Variants in ZNF517 observed in about 807,000 individuals in gnomAD.
ZNF517 encodes zinc finger protein 517.
ZNF517 carries 12 observed loss-of-function variants against 12.1 expected under a neutral mutation model. The ratio of observed to expected loss-of-function variants is 0.99; its 90% CI spans 0.63 to 1.61. The LOEUF is 1.61. ZNF517 is among the 40% of genes most tolerant of loss of function. The pLI is 0.00. For missense variants in ZNF517, 781 were observed against 693.2 expected, an observed-to-expected ratio of 1.13 and a Z score of -1.42; for synonymous variants, 388 against 310.2, an observed-to-expected ratio of 1.25 and a Z score of -2.63.
At chr8:144,805,001 C>T (rs945694844) in intron 4 of ZNF517, among the ~76,000 whole-genome samples, 2 of 152,320 alleles carry the variant, frequency 1.3e-5, no homozygotes, top group Admixed American at 6.5e-5. Context: ...TGGCTGTGGG[C>T]GAGTTTGACT....
In ZNF517 at chr8:144,809,288, T is replaced by TC. The variant is rs1293206541; in HGVS notation, c.*894dup. On this transcript the variant is annotated 3_prime_UTR_variant, in exon 5 of 5. Transcript: ENST00000359971. ...TTACTGCAGCCTCCAGCTCCCAGGC[T>TC]CAAGCGTTTCTCCCACCTTAGCCTC... The TC allele has an allele frequency of 6.6e-6, 1 of 152,122 alleles. No homozygotes were observed. Among genetic ancestry groups the TC allele is most frequent in the African/African-American group, 2.4e-5 (1 of 41,400 alleles). The allele number at this position is 152,122 out of a possible 1,614,324, so 9.4% of individuals were successfully genotyped here.
intron 4 of ZNF517, among the ~76,000 whole-genome samples, chr8:144,804,668 C>T (rs1827134655): frequency 6.6e-6 from 1 of 152,034 alleles, no homozygotes; most frequent in Non-Finnish European, 1.5e-5. Context: ...TCCTGAATGC[C>T]TGGCTGCGCT....
At chr8:144,811,795 C>T (rs1269551119), downstream of ZNF517, among the ~76,000 whole-genome samples, 1 of 126,332 alleles carries the variant, frequency 7.9e-6, no homozygotes, top group African/African-American at 3.3e-5. Flanking sequence ...AAGGCTGAGA[C>T]AGGGTGGGAG....
intron 1 of ZNF517, among the ~76,000 whole-genome samples, chr8:144,800,261 A>G (rs913117550): frequency 6.6e-6 from 1 of 152,152 alleles, no homozygotes; most frequent in African/African-American, 2.4e-5. Context: ...ATCTGTTGTC[A>G]TCATATCACT....
chr8:144,807,293 A>C lies in ZNF517; in HGVS notation c.377A>C (p.His126Pro). The change falls in exon 5 of 5, where the codon CAC (histidine) becomes CCC (proline). Residue 126 changes from histidine to proline, a missense_variant. Coordinates refer to ENST00000359971, the MANE Select transcript of ZNF517 (RefSeq NM_213605.3). ...GTGTGGGGGTGCCTCCCCTGGGGGC[A>C]CCCTGTGGGGGGGCACCCTGCACCA... ...GTVWGCLPWG[H>P]PVGGHPAPPH... 2 of 1,551,354 alleles carry C rather than the reference A, an allele frequency of 1.3e-6. No homozygotes were observed. Among genetic ancestry groups the C allele is most frequent in the Non-Finnish European group, 1.7e-6 (2 of 1,149,492 alleles).
At chr8:144,799,697 T>C (rs1826851454) in intron 1 of ZNF517, among the ~76,000 whole-genome samples, 1 of 152,096 alleles carries the variant, frequency 6.6e-6, no homozygotes, top group African/African-American at 2.4e-5. Context: ...TCCCAGCACT[T>C]TGGGAGGCCG....
At chr8:144,810,452 T>C, downstream of ZNF517, 1 of 419,698 alleles carries the variant, frequency 2.4e-6, no homozygotes. Flanking sequence ...TGGGGAGGGC[T>C]GGATCCACCC....
chr8:144,808,415 A>G lies in ZNF517; in HGVS notation c.*20A>G. 1 of 1,448,430 alleles carries G rather than the reference A, an allele frequency of 6.9e-7. No homozygotes were observed. Among genetic ancestry groups the G allele is most frequent in the Non-Finnish European group, 9.1e-7 (1 of 1,101,326 alleles). 89.7% of individuals were successfully genotyped at this position (1,448,430 alleles called of 1,614,324 possible). A position where few individuals can be genotyped will look rare whatever the true frequency, so the allele number is the denominator to read the frequency against. ...TCCTGATGACGGGGACGACAGGCCG[A>G]GGATTCACGCTGGAAGCCCACCCAA... On this transcript the variant is annotated 3_prime_UTR_variant, in exon 5 of 5. Coordinates refer to ENST00000359971, the MANE Select transcript of ZNF517 (RefSeq NM_213605.3).
In ZNF517 at chr8:144,807,446, G is replaced by C. The variant is rs767292151; in HGVS notation, c.530G>C (p.Arg177Pro). Reference protein sequence around the residue: ...LGRPVGSSAPRYRCVCGKAFR... With the variant: ...LGRPVGSSAPPYRCVCGKAFR... ...CGGCCTGTGGGGAGCTCAGCCCCCC[G>C]CTACAGGTGCGTGTGCGGCAAGGCG... Residue 177 changes from arginine to proline, a missense_variant, in exon 5 of 5, where the codon CGC (arginine) becomes CCC (proline). Arg to Pro is a moderately radical substitution (Grantham distance 103). Coordinates refer to ENST00000359971, the MANE Select transcript of ZNF517 (RefSeq NM_213605.3). 4.4e-5 allele frequency: 69 copies of C among 1,574,522 alleles called. No individual in the cohort carries two copies. The highest frequency in any genetic ancestry group is 5.3e-5 in the Non-Finnish European group (61 of 1,160,792).
chr8:144,803,531 A>T, intron 2 of ZNF517, 110 bp from the exon 3 acceptor site: 1 of 1,446,118 alleles, frequency 6.9e-7, no homozygotes, highest in Non-Finnish European at 9.5e-7. Flanking sequence ...CTGTGGATGC[A>T]GCAGTGGGCA....
At chr8:144,803,533 C>T (rs1827070810) in intron 2 of ZNF517, 108 bp from the exon 3 acceptor site, 5 of 1,457,468 alleles carry the variant, frequency 3.4e-6, no homozygotes, top group Non-Finnish European at 4.7e-6. Context: ...GTGGATGCAG[C>T]AGTGGGCAGC....
chr8:144,802,357 CAG>C, intron 1 of ZNF517, among the ~76,000 whole-genome samples: 1 of 152,334 alleles, frequency 6.6e-6, no homozygotes, highest in East Asian at 1.9e-4. Context: ...GCCTGGGCGA[CAG>C]AGCGAAACCC....
At chr8:144,800,525 TTCTGGCAGCCTCA>T (rs1251552707) in intron 1 of ZNF517, 6 of 985,352 alleles carry the variant, frequency 6.1e-6, no homozygotes, top group Non-Finnish European at 7.2e-6. Context: ...GGATCAAGTC[TTCTGGCAGCCTCA>T]TACCCTGAGA....
At chr8:144,812,038 C>T (rs1827572883), downstream of ZNF517, among the ~76,000 whole-genome samples, 2 of 138,194 alleles carry the variant, frequency 1.4e-5, no homozygotes, top group African/African-American at 5.8e-5. Context: ...TAAAGCTCAG[C>T]CAGGTGCAGA....
At chr8:144,802,217 A>G (rs917372948) in intron 1 of ZNF517, among the ~76,000 whole-genome samples, 4 of 152,148 alleles carry the variant, frequency 2.6e-5, no homozygotes, top group African/African-American at 4.8e-5. Context: ...AGAGTCACCC[A>G]TTGTTCATTT....
chr8:144,805,833 G>A (rs532320097), intron 4 of ZNF517, among the ~76,000 whole-genome samples: 1 of 149,920 alleles, frequency 6.7e-6, no homozygotes, highest in East Asian at 2.0e-4. Flanking sequence ...TGTTAGCGAG[G>A]ATGGTCTCGA....
In ZNF517 at chr8:144,808,281, C is replaced by T. The variant is rs1827391775; in HGVS notation, c.1365C>T (p.Arg455=). The stretch of plus-strand genomic sequence containing the variant: ...GCGGCGAGAGGCCATACCGGTGCCG[C>T]GCCTGCGGGAGGGCCTGCAGCCGGC... ...LHSGERPYRC[R]ACGRACSRLS... The change falls in exon 5 of 5, where the codon CGC becomes CGT. Residue 455 remains arginine (R), a synonymous_variant. Transcript: ENST00000359971. 9.0e-6 allele frequency: 14 copies of T among 1,563,594 alleles called. No homozygotes were observed. The highest frequency in any genetic ancestry group is 1.1e-5 in the Non-Finnish European group (13 of 1,152,980).
rs1278999405 is a variant in ZNF517, at chr8:144,798,965, G to A, written c.-46+28G>A. On this transcript the variant is annotated intron_variant, in intron 1 of 4. Transcript: ENST00000359971. Reference sequence around the variant, plus strand: ...GAGTCGGCCGCGGCCGCGGGGCGGGGACTGGGAGGGGCGCGGTCCTCCGAG... The same window carrying A: ...GAGTCGGCCGCGGCCGCGGGGCGGGAACTGGGAGGGGCGCGGTCCTCCGAG... 3.9e-5 allele frequency: 6 copies of A among 152,266 alleles called. No homozygotes were observed. In the East Asian group the frequency reaches 9.7e-4, roughly 25 times the overall value. 9.4% of individuals were successfully genotyped at this position (152,266 alleles called of 1,614,324 possible).
intron 1 of ZNF517, among the ~76,000 whole-genome samples, chr8:144,802,454 G>C (rs756816631): frequency 6.6e-5 from 10 of 152,246 alleles, no homozygotes; most frequent in Non-Finnish European, 1.2e-4. Context: ...CACATGCTGT[G>C]TGCCAAGCCC....
Sources: allele counts gnomAD v4.1 joint callset (sites outside exome capture counted in the v4.1 genomes callset), GRCh38; gene constraint gnomAD v4.1.1; transcripts MANE v1.5; gene names NCBI Gene and HGNC (gene_info 2026-07-23, HGNC 2026-07-21).